Variants in PPP2R2D observed in about 807,000 individuals in gnomAD.
PPP2R2D encodes the protein serine/threonine-protein phosphatase 2A 55 kDa regulatory subunit B delta isoform.
PPP2R2D carries 9 observed loss-of-function variants against 31.1 expected under a neutral mutation model. The observed-to-expected ratio is 0.29, with a 90% CI of 0.17 to 0.51. The LOEUF is 0.51. Ranked by LOEUF, PPP2R2D falls within the 20% of genes least tolerant of loss-of-function variation. The pLI, the probability that PPP2R2D is intolerant of heterozygous loss-of-function variation, is 0.98. For missense variants in PPP2R2D, 391 were observed against 465.6 expected (o/e 0.84, Z 1.48); for synonymous variants, 179 against 172.6 (o/e 1.04, Z -0.29).
chr10:131,910,259 C>T (rs1159768706), intron 2 of PPP2R2D, among the ~76,000 whole-genome samples: 6 of 152,056 alleles, frequency 3.9e-5, no homozygotes, highest in South Asian at 2.1e-4. Context: ...TAACATCACA[C>T]GGGGGTTGTT....
At chr10:131,970,842 G>T in the PPP2R2D span, 16 of 1,614,036 alleles carry the variant, frequency 9.9e-6, no homozygotes, top group Non-Finnish European at 1.3e-5. This position sits in a 1 kb window ranked among gnomAD's most constrained non-coding sequence, Gnocchi z 4.1. Flanking sequence ...GGGTGCCCCC[G>T]TGACACTGAG....
At chr10:131,904,145 A>C (rs1263456600) in intron 2 of PPP2R2D, among the ~76,000 whole-genome samples, 2 of 149,284 alleles carry the variant, frequency 1.3e-5, no homozygotes, top group South Asian at 4.2e-4. Context: ...TGGAGGTTGC[A>C]GTGAGGCGAG....
chr10:131,961,436 C>G (rs886741029), downstream of PPP2R2D, among the ~76,000 whole-genome samples: 4 of 152,096 alleles, frequency 2.6e-5, no homozygotes, highest in African/African-American at 7.2e-5. Flanking sequence ...TAAGTGCCTG[C>G]TGCAGGTGGG....
At chr10:131,963,128 G>C (rs1554901721), downstream of PPP2R2D, among the ~76,000 whole-genome samples, 1 of 152,162 alleles carries the variant, frequency 6.6e-6, no homozygotes, top group Non-Finnish European at 1.5e-5. Flanking sequence ...TTGTGTCGCT[G>C]TACTCCAGCC....
chr10:131,927,000 A>G (rs2036119846), intron 2 of PPP2R2D, among the ~76,000 whole-genome samples: 1 of 152,176 alleles, frequency 6.6e-6, no homozygotes, highest in Non-Finnish European at 1.5e-5. Flanking sequence ...TGTGGTGACC[A>G]CGAGTCCAAA....
chr10:131,922,400 T>G (rs1554894360), intron 2 of PPP2R2D, among the ~76,000 whole-genome samples: 2 of 152,176 alleles, frequency 1.3e-5, no homozygotes, highest in Non-Finnish European at 2.9e-5. Context: ...TGTTCCACAA[T>G]GTATGTATAC....
chr10:131,931,615 T>C (rs1412289781), intron 2 of PPP2R2D, among the ~76,000 whole-genome samples: 2 of 152,242 alleles, frequency 1.3e-5, no homozygotes, highest in Non-Finnish European at 2.9e-5. Context: ...CCCAAAGTGC[T>C]GGGATTACAG....
chr10:131,935,499 G>T (rs1554896358), intron 3 of PPP2R2D, among the ~76,000 whole-genome samples: 1 of 149,912 alleles, frequency 6.7e-6, no homozygotes, highest in Admixed American at 6.6e-5. Context: ...CCCCCAGGAA[G>T]GGGAGCCTGG....
At position 131,934,574 on chromosome 10, in the gene PPP2R2D, A is replaced by G. The variant is rs546547871; in HGVS notation, c.198+19A>G. 7.8e-6 allele frequency: 6 copies of G among 770,892 alleles called. No homozygotes were observed. In the African/African-American group the frequency reaches 8.5e-5, roughly 11 times the overall value. 47.8% of individuals were successfully genotyped at this position (770,892 alleles called of 1,614,324 possible). A position where few individuals can be genotyped will look rare whatever the true frequency, so the allele number is the denominator to read the frequency against. On this transcript the variant is annotated intron_variant, in intron 3 of 8. Coordinates refer to ENST00000455566, the MANE Select transcript of PPP2R2D (RefSeq NM_018461.5). The stretch of plus-strand genomic sequence containing the variant: ...ACAAGAGGTCAGTAATTTTCAGTCC[A>G]CAAATCAAATGCAATTATTCAACCT...
At chr10:131,966,457 A>G in the PPP2R2D span, 3 of 152,258 alleles carry the variant, frequency 2.0e-5, no homozygotes, top group Non-Finnish European at 4.4e-5. Context: ...CACACACATC[A>G]AACTTGTTTC....
Position 131,945,205 on chromosome 10 carries a change from G to C in PPP2R2D, c.656-90G>C. 2 of 1,447,742 alleles carry C rather than the reference G, an allele frequency of 1.4e-6. No individual in the cohort carries two copies. The highest frequency in any genetic ancestry group is 1.9e-6 in the Non-Finnish European group (2 of 1,062,104). 89.7% of individuals were successfully genotyped at this position (1,447,742 alleles called of 1,614,324 possible). ...CTAATCCCTTAAACCTCACTGCGTG[G>C]ATTATTTGGCGTCCTATTTCGCGTG... On this transcript the variant is annotated intron_variant, in intron 6 of 8. Coordinates refer to ENST00000455566, the MANE Select transcript of PPP2R2D (RefSeq NM_018461.5). This position sits in a 1 kb window ranked among gnomAD's most constrained non-coding sequence, Gnocchi z 4.8.
intron 2 of PPP2R2D, among the ~76,000 whole-genome samples, chr10:131,904,723 G>A (rs1318531039): frequency 6.6e-6 from 1 of 152,298 alleles, no homozygotes; most frequent in South Asian, 2.1e-4. Context: ...TCTGCAATGG[G>A]TAAGGAGAAG....
downstream of PPP2R2D, among the ~76,000 whole-genome samples, chr10:131,960,633 G>A (rs61864754): frequency 6.6e-6 from 1 of 152,184 alleles, no homozygotes; most frequent in African/African-American, 2.4e-5. Flanking sequence ...TCCTGCTCCC[G>A]GCCGGAAGAA....
intron 2 of PPP2R2D, among the ~76,000 whole-genome samples, chr10:131,930,217 T>C (rs1412232386): frequency 1.3e-5 from 2 of 152,166 alleles, no homozygotes; most frequent in African/African-American, 4.8e-5. Context: ...TCTGTGTCTT[T>C]AGTGCATTTT....
chr10:131,941,500 G>A (rs930237253), intron 5 of PPP2R2D, among the ~76,000 whole-genome samples: 4 of 152,048 alleles, frequency 2.6e-5, no homozygotes, highest in African/African-American at 4.8e-5. Context: ...AGGGGGTGCC[G>A]TTACTAGATT....
intron 3 of PPP2R2D, among the ~76,000 whole-genome samples, chr10:131,937,256 T>G (rs1393646720): frequency 2.0e-5 from 3 of 152,152 alleles, no homozygotes; most frequent in African/African-American, 7.2e-5. Flanking sequence ...TTTCAAGCTT[T>G]TCTTACTTTT....
chr10:131,947,835 T>C lies in PPP2R2D; in HGVS notation c.1082+44T>C. On this transcript the variant is annotated intron_variant, in intron 8 of 8. Coordinates refer to ENST00000455566, the MANE Select transcript of PPP2R2D (RefSeq NM_018461.5). This position sits in a 1 kb window ranked among gnomAD's most constrained non-coding sequence, Gnocchi z 4.3. Reference sequence around the variant, plus strand: ...TGAGCTGTCGCCCCAAGCTTGCTGGTTTCCGAGAGTGCAAGGTCAGTGAGG... The same window carrying C: ...TGAGCTGTCGCCCCAAGCTTGCTGGCTTCCGAGAGTGCAAGGTCAGTGAGG... The C allele has an allele frequency of 6.3e-7, 1 of 1,596,756 alleles. No individual in the cohort carries two copies.
intron 2 of PPP2R2D, among the ~76,000 whole-genome samples, chr10:131,909,472 T>C (rs1384009431): frequency 6.6e-6 from 1 of 152,202 alleles, no homozygotes; most frequent in East Asian, 1.9e-4. Flanking sequence ...GGCCAAGCTT[T>C]TTTGTAAAGG....
chr10:131,903,457 G>C lies in PPP2R2D; in HGVS notation c.100+2127G>C, dbSNP rs2035533506. Among the ~76,000 whole-genome samples the C allele has an allele frequency of 2.7e-5, 3 of 110,172 alleles. No individual in the cohort carries two copies. The South Asian group carries it at 9.0e-4, about 33-fold the overall frequency. 72.3% of individuals were successfully genotyped at this position (110,172 alleles called of 152,430 possible). On this transcript the variant is annotated intron_variant, in intron 2 of 8. Coordinates refer to ENST00000455566, the MANE Select transcript of PPP2R2D (RefSeq NM_018461.5). ...CCTCCAGCCTGGACAATAGAACAAG[G>C]CTCCATCTCAAAAAAAAAAAAAAAA...
Sources: gnomAD v4.1 joint callset for allele counts (sites outside exome capture counted in the v4.1 genomes callset) on GRCh38, gnomAD v4.1.1 for gene constraint, Gnocchi (gnomAD v3.1) non-coding constraint, MANE v1.5 for transcripts, NCBI Gene and HGNC (gene_info 2026-07-23, HGNC 2026-07-21) for gene names.